The following KAZN variants were observed in gnomAD, a reference collection of about 807,000 sequenced individuals.
KAZN encodes the protein kazrin, periplakin interacting protein, also known as kazrin.
Under a neutral mutation model 87.4 loss-of-function variants are expected in KAZN, and 40 were observed. The observed-to-expected ratio is 0.46, with a 90% CI of 0.36 to 0.60. The LOEUF (loss-of-function observed/expected upper bound fraction) is 0.60. KAZN is among the 20% of genes least tolerant of loss of function. The pLI, the probability that KAZN is intolerant of heterozygous loss-of-function variation, is 0.00. For synonymous variants in KAZN, 466 were observed against 458.3 expected (o/e 1.02, Z -0.22); for missense variants, 898 against 1,073.9 (o/e 0.84, Z 2.29).
chr1:14,730,280 C>T (rs1041124317), intron 1 of KAZN, among the ~76,000 whole-genome samples: 3 of 152,210 alleles, frequency 2.0e-5, no homozygotes, highest in Non-Finnish European at 2.9e-5. Flanking sequence ...GACAGGGTTT[C>T]ACCATGTTGG....
intron 2 of KAZN, among the ~76,000 whole-genome samples, chr1:14,333,888 G>A (rs1657029343): frequency 6.6e-6 from 1 of 152,150 alleles, no homozygotes; most frequent in Non-Finnish European, 1.5e-5. Context: ...GGCTGCCCCT[G>A]GACACCTCCT....
At chr1:14,643,572 T>C (rs1680572860) in intron 1 of KAZN, among the ~76,000 whole-genome samples, 1 of 152,236 alleles carries the variant, frequency 6.6e-6, no homozygotes, top group African/African-American at 2.4e-5. Flanking sequence ...CTGTCAATGA[T>C]GGGCATTTAG....
At chr1:14,551,975 A>ATTTC (rs979239549) in intron 2 of KAZN, among the ~76,000 whole-genome samples, 5 of 151,544 alleles carry the variant, frequency 3.3e-5, no homozygotes, top group African/African-American at 4.9e-5. Context: ...TCTTCTTTTT[A>ATTTC]TTTCTTTCTT....
intron 2 of KAZN, among the ~76,000 whole-genome samples, chr1:14,962,970 G>A (rs1664058671): frequency 6.6e-6 from 1 of 152,082 alleles, no homozygotes; most frequent in African/African-American, 2.4e-5. Flanking sequence ...CCTGATCTGA[G>A]TGATTGGACA....
chr1:14,987,916 G>A (rs1236314228), intron 2 of KAZN, among the ~76,000 whole-genome samples: 1 of 152,224 alleles, frequency 6.6e-6, no homozygotes, highest in Non-Finnish European at 1.5e-5. Flanking sequence ...GAAGCCACAG[G>A]ACATGCTGGC....
chr1:13,967,608 T>C (rs1463315158), intron 1 of KAZN, among the ~76,000 whole-genome samples: 1 of 152,194 alleles, frequency 6.6e-6, no homozygotes. Context: ...CCCATCTGAA[T>C]GGAGCCAATG....
intron 2 of KAZN, among the ~76,000 whole-genome samples, chr1:14,387,272 G>A (rs10803275): frequency 1.3e-5 from 2 of 151,782 alleles, no homozygotes; most frequent in Non-Finnish European, 2.9e-5. Context: ...CCTCCCGTAG[G>A]TCAGAGTAAT....
intron 1 of KAZN, among the ~76,000 whole-genome samples, chr1:14,157,681 T>C (rs1304451315): frequency 2.6e-5 from 4 of 152,190 alleles, no homozygotes; most frequent in South Asian, 2.1e-4. Flanking sequence ...CTATTGGAGA[T>C]TGATTATTAA....
intron 1 of KAZN, among the ~76,000 whole-genome samples, chr1:14,904,226 A>T (rs919682896): frequency 2.7e-5 from 4 of 149,318 alleles, no homozygotes; most frequent in Admixed American, 2.0e-4. Flanking sequence ...GAATTGCCTC[A>T]CTTGGGAGGC....
chr1:14,796,634 G>A (rs1421923211), intron 1 of KAZN, among the ~76,000 whole-genome samples: 1 of 152,218 alleles, frequency 6.6e-6, no homozygotes, highest in African/African-American at 2.4e-5. Flanking sequence ...ATGTATCGCC[G>A]TATTTTGGAA....
intron 2 of KAZN, among the ~76,000 whole-genome samples, chr1:14,592,558 T>C (rs753686351): frequency 2.0e-5 from 3 of 152,206 alleles, no homozygotes; most frequent in Non-Finnish European, 2.9e-5. Context: ...CTTCTGAGAA[T>C]TCCATGTCAT....
intron 13 of KAZN, among the ~76,000 whole-genome samples, chr1:15,109,832 G>T (rs1422231062): frequency 4.7e-5 from 7 of 150,460 alleles, no homozygotes; most frequent in African/African-American, 1.5e-4. Context: ...GTATGTGTAT[G>T]TGGTGTTTGT....
In KAZN at chr1:15,065,724, G is replaced by A. The variant is rs751346957; in HGVS notation, c.1193G>A (p.Arg398Gln). 83 of 1,614,128 alleles carry A rather than the reference G, an allele frequency of 5.1e-5. No homozygotes were observed. The Admixed American group carries it at 1.2e-3, about 24-fold the overall frequency. Residue 398 changes from arginine (R) to glutamine (Q), a missense_variant, in exon 8 of 15, where the codon CGG becomes CAG. This residue lies in a region of KAZN where 521 missense variants were observed against 689.4 expected (regional missense o/e 0.76). Transcript: ENST00000376030. ...ISRVFARGKQRKSLDPGLFDD... is the reference protein window; with the variant it reads ...ISRVFARGKQQKSLDPGLFDD... ...CGCGTCTTCGCCAGAGGGAAGCAGC[G>A]GAAGTCCCTCGACCCCGGCCTCTTT...
At chr1:14,022,157 G>A (rs76563961) in intron 1 of KAZN, among the ~76,000 whole-genome samples, 3,998 of 151,758 alleles carry the variant, frequency 0.026, 170 homozygotes, top group African/African-American at 0.091. Context: ...TTGGATCTGG[G>A]GTGTGCGTGT....
intron 1 of KAZN, among the ~76,000 whole-genome samples, chr1:14,174,790 T>G (rs908990475): frequency 1.3e-5 from 2 of 152,216 alleles, no homozygotes; most frequent in East Asian, 3.8e-4. Context: ...TTTTACATGC[T>G]TATCATGTGG....
intron 2 of KAZN, among the ~76,000 whole-genome samples, chr1:14,211,243 T>C (rs984561640): frequency 2.3e-4 from 35 of 152,188 alleles, no homozygotes; most frequent in African/African-American, 8.0e-4. Flanking sequence ...ATTTTTGAGA[T>C]GTAGTCTTGC....
At chr1:14,094,892 G>T (rs1209932715) in intron 1 of KAZN, among the ~76,000 whole-genome samples, 2 of 152,186 alleles carry the variant, frequency 1.3e-5, no homozygotes, top group Non-Finnish European at 2.9e-5. Flanking sequence ...CTGTGTTGGA[G>T]CAGATTAATG....
intron 1 of KAZN, among the ~76,000 whole-genome samples, chr1:14,774,920 C>A (rs573216730): frequency 6.6e-6 from 1 of 151,580 alleles, no homozygotes; most frequent in African/African-American, 2.4e-5. Flanking sequence ...GTTCACCTTA[C>A]GGTATCGATT....
At chr1:14,721,675 A>G (rs1643116125) in intron 1 of KAZN, among the ~76,000 whole-genome samples, 1 of 152,208 alleles carries the variant, frequency 6.6e-6, no homozygotes, top group Non-Finnish European at 1.5e-5. Flanking sequence ...TCAGATTTCC[A>G]ACACATTTCT....
Sources: gnomAD v4.1 joint callset for allele counts (sites outside exome capture counted in the v4.1 genomes callset) on GRCh38, gnomAD v4.1.1 for gene constraint, gnomAD v4.1.1 regional missense constraint, MANE v1.5 for transcripts, NCBI Gene and HGNC (gene_info 2026-07-23, HGNC 2026-07-21) for gene names.